LRRTM4: variants seen among roughly 807,000 people sequenced by gnomAD.
The protein encoded by LRRTM4 is leucine-rich repeat transmembrane neuronal protein 4.
A neutral mutation model predicts 47.6 loss-of-function variants in LRRTM4; 25 were observed. That is an observed-to-expected ratio of 0.53 (90% confidence interval 0.38 to 0.73). The LOEUF (loss-of-function observed/expected upper bound fraction) is 0.73, where lower values mean the gene tolerates loss of function less well. Ranked by LOEUF, LRRTM4 falls within the 30% of genes least tolerant of loss-of-function variation. LRRTM4 has a pLI of 0.00. For synonymous variants in LRRTM4, 311 were observed against 269.5 expected (o/e 1.15, Z -1.51); for missense variants, 638 against 713.4 (o/e 0.89, Z 1.20).
rs531787527 is a variant in LRRTM4, at chr2:76,875,869, G to A, written c.1552-126953C>T. On this transcript the variant is annotated intron_variant, in intron 3 of 3. Transcript: ENST00000409884. The stretch of plus-strand genomic sequence containing the variant: ...TGTGGGACTGGGGACAACTGCCACA[G>A]GCAGACTCAACTTCAGCTGAGTTTC... 2.0e-5 allele frequency among the ~76,000 whole-genome samples: 3 copies of A among 152,254 alleles called. No individual in the cohort carries two copies. In the East Asian group the frequency reaches 5.8e-4, roughly 29 times the overall value.
In LRRTM4 at chr2:77,355,816, G is replaced by A. The variant is rs570344912; in HGVS notation, c.1551+162502C>T. ...TGGAAATAAATTATAGGTGGGACCA[G>A]GCACAGTGGCTCATTCCTGTAATCC... On this transcript the variant is annotated intron_variant, in intron 3 of 3. Coordinates refer to ENST00000409884, the MANE Select transcript of LRRTM4 (RefSeq NM_001134745.3). 2.6e-5 allele frequency among the ~76,000 whole-genome samples: 4 copies of A among 152,316 alleles called. No individual in the cohort carries two copies. In the East Asian group the frequency reaches 7.7e-4, roughly 29 times the overall value.
At chr2:77,510,294 C>A (rs187472858) in intron 3 of LRRTM4, among the ~76,000 whole-genome samples, 10 of 152,182 alleles carry the variant, frequency 6.6e-5, no homozygotes, top group African/African-American at 9.6e-5. Context: ...ATATTTAGAT[C>A]TTCAAGAGCA....
intron 3 of LRRTM4, among the ~76,000 whole-genome samples, chr2:77,138,408 TG>T (rs1363041296): frequency 6.6e-6 from 1 of 152,158 alleles, no homozygotes; most frequent in Non-Finnish European, 1.5e-5. Context: ...GAAATAAAGA[TG>T]TTGTTTGAAA....
chr2:77,304,105 A>G (rs1677209243), intron 3 of LRRTM4, among the ~76,000 whole-genome samples: 1 of 152,094 alleles, frequency 6.6e-6, no homozygotes, highest in Non-Finnish European at 1.5e-5. Context: ...TTCTCCATCA[A>G]TACATGTTAC....
chr2:77,365,354 T>A (rs990848461), intron 3 of LRRTM4, among the ~76,000 whole-genome samples: 1 of 152,054 alleles, frequency 6.6e-6, no homozygotes, highest in African/African-American at 2.4e-5. Context: ...GTGTTCCAGC[T>A]CTGTGAAACA....
chr2:76,891,256 G>T (rs2104157705), intron 3 of LRRTM4, among the ~76,000 whole-genome samples: 1 of 151,756 alleles, frequency 6.6e-6, no homozygotes, highest in East Asian at 1.9e-4. Context: ...AAGAGGAGAG[G>T]TTCTCAAGGA....
At chr2:77,204,406 T>G (rs1357085025) in intron 3 of LRRTM4, among the ~76,000 whole-genome samples, 1 of 151,898 alleles carries the variant, frequency 6.6e-6, no homozygotes, top group East Asian at 1.9e-4. Context: ...TGGCAGCAAC[T>G]AGATGGACTA....
intron 3 of LRRTM4, among the ~76,000 whole-genome samples, chr2:76,774,681 G>A (rs1364811830): frequency 1.3e-5 from 2 of 152,090 alleles, no homozygotes; most frequent in Non-Finnish European, 2.9e-5. Flanking sequence ...TAGAGGAGGT[G>A]GAAGGAGAGG....
intron 3 of LRRTM4, among the ~76,000 whole-genome samples, chr2:76,961,247 C>T (rs1429750047): frequency 2.0e-5 from 3 of 151,264 alleles, no homozygotes; most frequent in African/African-American, 4.8e-5. Context: ...TGGAAATCTT[C>T]GGGCAGTGAG....
At chr2:77,086,644 T>G (rs1361145084) in intron 3 of LRRTM4, among the ~76,000 whole-genome samples, 1 of 151,364 alleles carries the variant, frequency 6.6e-6, no homozygotes, top group Non-Finnish European at 1.5e-5. Context: ...TGCCTGACTT[T>G]CGTTTGTTTG....
rs1226890803 is a variant in LRRTM4, at chr2:76,761,724, T to C, written c.1552-12808A>G. Among the ~76,000 whole-genome samples the C allele has an allele frequency of 1.6e-4, 24 of 152,180 alleles. No individual in the cohort carries two copies. In the East Asian group the frequency reaches 4.6e-3, roughly 29 times the overall value. The stretch of plus-strand genomic sequence containing the variant: ...TAAGGACTCTCACTGTTGAAAAATA[T>C]TCAAACCTCCCAATTATTTCCATCA... On this transcript the variant is annotated intron_variant, in intron 3 of 3. Transcript: ENST00000409884.
chr2:77,140,754 G>T (rs552126575), intron 3 of LRRTM4, among the ~76,000 whole-genome samples: 2 of 152,076 alleles, frequency 1.3e-5, no homozygotes, highest in African/African-American at 4.8e-5. Context: ...TCCAGAATCT[G>T]CAATGAACTC....
intron 3 of LRRTM4, among the ~76,000 whole-genome samples, chr2:77,162,004 G>C (rs146132582): frequency 2.0e-5 from 3 of 152,212 alleles, no homozygotes; most frequent in South Asian, 4.1e-4. Flanking sequence ...TTGAGGTACC[G>C]GGTTCATCTC....
chr2:76,875,477 G>A (rs1172561204), intron 3 of LRRTM4, among the ~76,000 whole-genome samples: 2 of 152,034 alleles, frequency 1.3e-5, no homozygotes, highest in Admixed American at 6.6e-5. Context: ...TGTGACATAA[G>A]GTTGTTGGAA....
chr2:77,105,015 T>C (rs554904081), intron 3 of LRRTM4, among the ~76,000 whole-genome samples: 1 of 151,660 alleles, frequency 6.6e-6, no homozygotes, highest in East Asian at 2.0e-4. Flanking sequence ...CCAATAACGT[T>C]TGAGAATTCT....
At chr2:77,349,944 G>T (rs1350891867) in intron 3 of LRRTM4, among the ~76,000 whole-genome samples, 1 of 152,112 alleles carries the variant, frequency 6.6e-6, no homozygotes, top group Non-Finnish European at 1.5e-5. Flanking sequence ...TTAGTTCCCT[G>T]GCACTAGGTT....
At chr2:77,000,507 A>ACTT (rs1470081512) in intron 3 of LRRTM4, among the ~76,000 whole-genome samples, 1 of 152,174 alleles carries the variant, frequency 6.6e-6, no homozygotes, top group Non-Finnish European at 1.5e-5. Flanking sequence ...TTGCTAAGCA[A>ACTT]CTTCTAACTT....
intron 3 of LRRTM4, among the ~76,000 whole-genome samples, chr2:77,045,498 C>G (rs937479186): frequency 6.6e-6 from 1 of 151,888 alleles, no homozygotes; most frequent in Admixed American, 6.6e-5. Context: ...TGTGTCCCCA[C>G]CCAAATCTCA....
chr2:76,992,428 T>C (rs1677042019), intron 3 of LRRTM4, among the ~76,000 whole-genome samples: 1 of 151,766 alleles, frequency 6.6e-6, no homozygotes, highest in African/African-American at 2.4e-5. Context: ...AACCATTTTA[T>C]TAAAGTTTGG....
Sources: gnomAD v4.1 joint callset for allele counts (sites outside exome capture counted in the v4.1 genomes callset) on GRCh38, gnomAD v4.1.1 for gene constraint, MANE v1.5 for transcripts, NCBI Gene and HGNC (gene_info 2026-07-23, HGNC 2026-07-21) for gene names.